The following UVRAG variants were observed in gnomAD, a reference collection of about 807,000 sequenced individuals.
UVRAG encodes UV radiation resistance-associated gene protein.
In UVRAG, 19 loss-of-function variants were observed where a neutral mutation model predicts 78.0. The observed-to-expected ratio is 0.24, with a 90% CI of 0.17 to 0.36. The LOEUF (loss-of-function observed/expected upper bound fraction) is 0.36. Among genes scored for constraint, UVRAG ranks in the 10% least tolerant of loss-of-function variants. The pLI is 1.00. For synonymous variants in UVRAG, 323 were observed against 324.6 expected (o/e 1.00, Z 0.05); for missense variants, 740 against 853.8 (o/e 0.87, Z 1.66).
At chr11:75,987,797 C>T (rs1487821950) in intron 8 of UVRAG, among the ~76,000 whole-genome samples, 1 of 151,108 alleles carries the variant, frequency 6.6e-6, no homozygotes, top group Non-Finnish European at 1.5e-5. Context: ...AGTAAAATGG[C>T]GTGGTCTCGG....
intron 12 of UVRAG, among the ~76,000 whole-genome samples, chr11:76,062,455 C>G (rs1355017520): frequency 6.6e-6 from 1 of 152,088 alleles, no homozygotes; most frequent in South Asian, 2.1e-4. Flanking sequence ...TCTCCTGTAA[C>G]GCATATACCA....
At chr11:76,134,044 C>G (rs1952559848) in intron 14 of UVRAG, among the ~76,000 whole-genome samples, 1 of 151,550 alleles carries the variant, frequency 6.6e-6, no homozygotes, top group Non-Finnish European at 1.5e-5. Flanking sequence ...CCTCCACCTC[C>G]TGGGTTCAAG....
chr11:76,083,042 G>GC (rs1951527598), intron 13 of UVRAG, among the ~76,000 whole-genome samples: 1 of 152,116 alleles, frequency 6.6e-6, no homozygotes, highest in South Asian at 2.1e-4. Context: ...AAGAGTATCT[G>GC]CTTTTGATCA....
chr11:75,974,283 T>C (rs1949185587), intron 7 of UVRAG, among the ~76,000 whole-genome samples: 2 of 152,248 alleles, frequency 1.3e-5, no homozygotes, highest in South Asian at 4.1e-4. Flanking sequence ...GTGGTTTTGA[T>C]TTGCATTTCT....
At position 76,096,050 on chromosome 11, in the gene UVRAG, G is replaced by A. The variant is rs552580448; in HGVS notation, c.1306-19874G>A. Among the ~76,000 whole-genome samples, 7 of 152,262 alleles carry A rather than the reference G, an allele frequency of 4.6e-5. No homozygotes were observed. The East Asian group carries it at 7.7e-4, about 17-fold the overall frequency. On this transcript the variant is annotated intron_variant, in intron 13 of 14. Coordinates refer to ENST00000356136, the MANE Select transcript of UVRAG (RefSeq NM_003369.4). ...GAGTCAAACCTGGAAGCAGAGGGTA[G>A]CACTTGCTAAGTGTCATTTGTGTAG...
intron 13 of UVRAG, among the ~76,000 whole-genome samples, chr11:76,111,779 C>A (rs954389532): frequency 1.1e-4 from 17 of 151,970 alleles, no homozygotes; most frequent in East Asian, 3.9e-4. Context: ...ACCCTCCCCC[C>A]ACAGCCAGTC....
chr11:75,926,106 A>G (rs775792325), intron 6 of UVRAG, among the ~76,000 whole-genome samples: 4 of 151,974 alleles, frequency 2.6e-5, no homozygotes, highest in African/African-American at 4.8e-5. Context: ...TGTGGCACCC[A>G]CACAATGGAG....
intron 13 of UVRAG, among the ~76,000 whole-genome samples, chr11:76,083,523 C>G (rs1312144294): frequency 6.6e-6 from 1 of 152,132 alleles, no homozygotes; most frequent in African/African-American, 2.4e-5. Context: ...ACTTATAGGT[C>G]AAGCCCCTGC....
chr11:75,834,255 T>TA (rs908764300), intron 1 of UVRAG, among the ~76,000 whole-genome samples: 18 of 148,552 alleles, frequency 1.2e-4, no homozygotes, highest in East Asian at 7.8e-4. Flanking sequence ...CCTGCTCCCT[T>TA]AAAAAAAAAA....
intron 1 of UVRAG, among the ~76,000 whole-genome samples, chr11:75,831,780 A>C (rs1023318800): frequency 6.6e-6 from 1 of 152,224 alleles, no homozygotes; most frequent in Admixed American, 6.5e-5. Flanking sequence ...TGATGAACCC[A>C]CTGTAAATTG....
At chr11:76,096,096 C>G (rs1042721969) in intron 13 of UVRAG, among the ~76,000 whole-genome samples, 39 of 152,034 alleles carry the variant, frequency 2.6e-4, no homozygotes, top group African/African-American at 8.7e-4. Context: ...GAGGGCAGGC[C>G]CCAGTCAGAA....
intron 3 of UVRAG, among the ~76,000 whole-genome samples, chr11:75,869,499 T>G (rs1013956608): frequency 6.6e-5 from 10 of 152,234 alleles, no homozygotes; most frequent in Admixed American, 6.5e-4. Flanking sequence ...ATTATGTTAC[T>G]GTCTTTTAAA....
chr11:75,863,857 T>C (rs560907842), intron 3 of UVRAG, among the ~76,000 whole-genome samples: 2 of 152,236 alleles, frequency 1.3e-5, no homozygotes, highest in African/African-American at 4.8e-5. Context: ...TGTGATTTCA[T>C]GGACATTCTG....
intron 1 of UVRAG, among the ~76,000 whole-genome samples, chr11:75,844,049 T>C (rs1945977091): frequency 6.6e-6 from 1 of 151,750 alleles, no homozygotes; most frequent in Non-Finnish European, 1.5e-5. Context: ...CGGGAGAATA[T>C]AATGTGCTGA....
At chr11:76,111,880 G>A (rs78064991) in intron 13 of UVRAG, among the ~76,000 whole-genome samples, 14,990 of 146,070 alleles carry the variant, frequency 0.1, 1,792 homozygotes, top group African/African-American at 0.3. Context: ...CAAAGATTAC[G>A]AGACATTAGA....
chr11:75,849,258 C>T (rs1395833585), intron 1 of UVRAG, among the ~76,000 whole-genome samples: 1 of 151,314 alleles, frequency 6.6e-6, no homozygotes, highest in African/African-American at 2.4e-5. Context: ...GTAATCCCAG[C>T]ACTTTGGGAG....
At chr11:75,999,524 G>T (rs973918416) in intron 8 of UVRAG, among the ~76,000 whole-genome samples, 1 of 151,730 alleles carries the variant, frequency 6.6e-6, no homozygotes, top group South Asian at 2.1e-4. Flanking sequence ...GGGATTACAG[G>T]CGCACACCAC....
Position 76,070,460 on chromosome 11 carries a change from TCACA to T in UVRAG, c.1305+4678_1305+4681del, listed in dbSNP as rs757242573. 2.5e-4 allele frequency among the ~76,000 whole-genome samples: 38 copies of T among 152,230 alleles called. No homozygotes were observed. In the Middle Eastern group the frequency reaches 0.01, roughly 41 times the overall value. On this transcript the variant is annotated intron_variant, in intron 13 of 14. Coordinates refer to ENST00000356136, the MANE Select transcript of UVRAG (RefSeq NM_003369.4). The stretch of plus-strand genomic sequence containing the variant: ...AGAGAGTAGATTTCTACAGTTTTTA[TCACA>T]CACACCCATGAATATGTTAATTTGT...
chr11:75,992,599 G>A (rs1949631476), intron 8 of UVRAG, among the ~76,000 whole-genome samples: 1 of 152,142 alleles, frequency 6.6e-6, no homozygotes, highest in South Asian at 2.1e-4. Flanking sequence ...AGAGGGGGAT[G>A]GCTGGATACA....
Sources: allele counts gnomAD v4.1 joint callset (sites outside exome capture counted in the v4.1 genomes callset), GRCh38; gene constraint gnomAD v4.1.1; transcripts MANE v1.5; gene names NCBI Gene and HGNC (gene_info 2026-07-23, HGNC 2026-07-21).